Variants in MYO1B observed in about 807,000 individuals in gnomAD.
MYO1B encodes the protein myosin IB, also known as unconventional myosin-Ib.
In MYO1B, 72 loss-of-function variants were observed where a neutral mutation model predicts 159.7. The observed-to-expected ratio is 0.45, with a 90% CI of 0.37 to 0.55. The LOEUF is 0.55. MYO1B is among the 20% of genes least tolerant of loss of function. The probability of loss-of-function intolerance (pLI) is 0.00; values close to 1 mark genes in which losing one functional copy is unlikely to be tolerated. For missense variants in MYO1B, 1,062 were observed against 1,364.8 expected (o/e 0.78, Z 3.50); for synonymous variants, 468 against 473.8 (o/e 0.99, Z 0.16).
At position 191,297,770 on chromosome 2, in the gene MYO1B, C is replaced by T. The variant is rs977260798; in HGVS notation, c.251+1544C>T. On this transcript the variant is annotated intron_variant, in intron 3 of 30. Coordinates refer to ENST00000392318, the MANE Select transcript of MYO1B (RefSeq NM_001130158.3). ...TCTTTTTACCGAAAGCAGTAGTACT[C>T]AAAATGGGGCAGTTTAAAACCCCAG... Among the ~76,000 whole-genome samples, 3 of 152,110 alleles carry T rather than the reference C, an allele frequency of 2.0e-5. No homozygotes were observed. In the South Asian group the frequency reaches 6.2e-4, roughly 32 times the overall value.
intron 21 of MYO1B, among the ~76,000 whole-genome samples, chr2:191,397,337 C>T (rs909588664): frequency 2.1e-5 from 3 of 145,624 alleles, no homozygotes; most frequent in East Asian, 2.0e-4. Context: ...GAGGACCCTG[C>T]GGCCTTCCGC....
chr2:191,271,700 A>G (rs1559130578), intron 1 of MYO1B, among the ~76,000 whole-genome samples: 1 of 152,252 alleles, frequency 6.6e-6, no homozygotes, highest in Non-Finnish European at 1.5e-5. Context: ...ATGGAGGAGC[A>G]CGAGATAAGA....
intron 3 of MYO1B, among the ~76,000 whole-genome samples, chr2:191,319,507 AACTT>A (rs1290361586): frequency 6.6e-6 from 1 of 152,164 alleles, no homozygotes; most frequent in African/African-American, 2.4e-5. Flanking sequence ...GTCATGATGG[AACTT>A]ACTTGTTTTC....
At chr2:191,357,289 C>T (rs1488966845) in intron 7 of MYO1B, among the ~76,000 whole-genome samples, 1 of 152,140 alleles carries the variant, frequency 6.6e-6, no homozygotes, top group East Asian at 1.9e-4. Context: ...GGCACTTATA[C>T]GTGTTGTGGA....
At chr2:191,286,563 C>T (rs192970088) in intron 2 of MYO1B, among the ~76,000 whole-genome samples, 1 of 152,240 alleles carries the variant, frequency 6.6e-6, no homozygotes, top group Non-Finnish European at 1.5e-5. Flanking sequence ...TTCTTAGTAT[C>T]CTAGACTTTT....
At chr2:191,374,544 G>C (rs1328028166) in intron 13 of MYO1B, among the ~76,000 whole-genome samples, 1 of 152,160 alleles carries the variant, frequency 6.6e-6, no homozygotes. Context: ...GTCTGTCTCT[G>C]AACGGAAGAG....
intron 4 of MYO1B, among the ~76,000 whole-genome samples, chr2:191,337,999 A>C (rs1474048616): frequency 6.6e-6 from 1 of 152,220 alleles, no homozygotes; most frequent in East Asian, 1.9e-4. Context: ...TATTATTTCC[A>C]GTTTCCAGCG....
chr2:191,252,002 C>G (rs1686153773), intron 1 of MYO1B, among the ~76,000 whole-genome samples: 1 of 152,228 alleles, frequency 6.6e-6, no homozygotes, highest in African/African-American at 2.4e-5. Context: ...TGCAAATATA[C>G]TAGCTTCCTA....
intron 3 of MYO1B, among the ~76,000 whole-genome samples, chr2:191,320,498 A>T (rs1249225830): frequency 6.6e-6 from 1 of 152,032 alleles, no homozygotes; most frequent in East Asian, 1.9e-4. Flanking sequence ...CAGACATTTC[A>T]TGGTATATAC....
chr2:191,276,822 G>A, intron 1 of MYO1B, 65 bp from the exon 2 acceptor site: 1 of 1,528,182 alleles, frequency 6.5e-7, no homozygotes, highest in Non-Finnish European at 8.8e-7. Flanking sequence ...TTCTGCAGTA[G>A]TGCCAAGAAC....
intron 2 of MYO1B, among the ~76,000 whole-genome samples, chr2:191,295,523 A>T (rs1053213456): frequency 6.6e-6 from 1 of 152,154 alleles, no homozygotes; most frequent in Non-Finnish European, 1.5e-5. Context: ...CTCTGATATT[A>T]TGTTAGATAT....
chr2:191,389,958 G>T (rs1437856121), intron 17 of MYO1B, among the ~76,000 whole-genome samples: 1 of 152,124 alleles, frequency 6.6e-6, no homozygotes, highest in Non-Finnish European at 1.5e-5. Context: ...TTAACCATGG[G>T]TTAGTTTTGC....
At chr2:191,381,588 TA>T in intron 14 of MYO1B, 22 bp downstream of exon 14, 1 of 1,535,256 alleles carries the variant, frequency 6.5e-7, no homozygotes, top group Non-Finnish European at 9.0e-7. Flanking sequence ...ATGCTATTTT[TA>T]AAAGTGTTGG....
chr2:191,248,013 G>C (rs1170834900), intron 1 of MYO1B: 4 of 985,318 alleles, frequency 4.1e-6, no homozygotes, highest in African/African-American at 3.5e-5. Flanking sequence ...AGTGAGGTGA[G>C]TGGGTGGTGT....
chr2:191,346,281 T>G lies in MYO1B; in HGVS notation c.497T>G (p.Phe166Cys). The stretch of plus-strand genomic sequence containing the variant: ...GTAAGGAATGACAACTCCTCTAGAT[T>G]TGTAAGTATTTGTATAAGCATAAGT... Reference protein sequence around the residue: ...KTVRNDNSSRFGKYMDIEFDF... With the variant: ...KTVRNDNSSRCGKYMDIEFDF... The change falls in exon 6 of 31, where the codon TTT (phenylalanine) becomes TGT (cysteine). Residue 166 changes from phenylalanine to cysteine, a missense_variant and splice_region_variant. By Grantham distance (205) the Phe-to-Cys change is radical. Transcript: ENST00000392318. The G allele has an allele frequency of 6.4e-7, 1 of 1,563,994 alleles. No individual in the cohort carries two copies. Among genetic ancestry groups the G allele is most frequent in the Non-Finnish European group, 8.7e-7 (1 of 1,153,216 alleles).
rs754438472 is a variant in MYO1B, at chr2:191,341,463, G to A, written c.349G>A (p.Ala117Thr). ...ATATGGCTTATTTTCATCCACAGAG[G>A]CCAGTAAGCTTGTCATGTCCTATGT... ...TGESGAGKTE[A>T]SKLVMSYVAA... Residue 117 changes from alanine to threonine, a missense_variant and splice_region_variant, in exon 5 of 31, where the codon GCC becomes ACC. Ala to Thr is a moderately conservative substitution (Grantham distance 58, BLOSUM62 0). Coordinates refer to ENST00000392318, the MANE Select transcript of MYO1B (RefSeq NM_001130158.3). 5 of 1,613,008 alleles carry A rather than the reference G, an allele frequency of 3.1e-6. No homozygotes were observed. The Admixed American group carries it at 8.4e-5, about 27-fold the overall frequency.
rs746486774 is a variant in MYO1B, at chr2:191,414,199, A to G, written c.3006+19A>G. 4.4e-6 allele frequency: 7 copies of G among 1,601,724 alleles called. No homozygotes were observed. Among genetic ancestry groups the G allele is most frequent in the Non-Finnish European group, 3.4e-6 (4 of 1,175,882 alleles). On this transcript the variant is annotated intron_variant, in intron 28 of 30. Coordinates refer to ENST00000392318, the MANE Select transcript of MYO1B (RefSeq NM_001130158.3). ...TGGGAAGGTAAAAATGCTAACCTTG[A>G]AGACTGATAAGAAGTACCTATTAGT... is the stretch of plus-strand genomic sequence containing the variant.
chr2:191,351,173 A>C (rs1379905553), intron 7 of MYO1B, among the ~76,000 whole-genome samples: 2 of 146,364 alleles, frequency 1.4e-5, no homozygotes, highest in South Asian at 2.3e-4. Flanking sequence ...GAATGAAAAA[A>C]TTTATGTTTA....
At chr2:191,421,915 G>A (rs377623373) in intron 30 of MYO1B, among the ~76,000 whole-genome samples, 261 of 152,300 alleles carry the variant, frequency 1.7e-3, no homozygotes, top group African/African-American at 6.0e-3. Flanking sequence ...AGTTGAATCT[G>A]GAACTATAGC....
Sources: allele counts gnomAD v4.1 joint callset (sites outside exome capture counted in the v4.1 genomes callset), GRCh38; gene constraint gnomAD v4.1.1; transcripts MANE v1.5; gene names NCBI Gene and HGNC (gene_info 2026-07-23, HGNC 2026-07-21).